DENND2A: variants seen among roughly 807,000 people sequenced by gnomAD.
The protein encoded by DENND2A is DENN domain-containing protein 2A.
A neutral mutation model predicts 105.3 loss-of-function variants in DENND2A; 53 were observed. That is an observed-to-expected ratio of 0.50 (90% confidence interval 0.40 to 0.63). DENND2A has a LOEUF of 0.63. DENND2A is among the 30% of genes least tolerant of loss of function. DENND2A has a pLI of 0.00. For synonymous variants in DENND2A, 522 were observed against 508.4 expected (o/e 1.03, Z -0.36); for missense variants, 1,138 against 1,279.6 (o/e 0.89, Z 1.69).
At position 140,601,439 on chromosome 7, in the gene DENND2A, A is replaced by T. The variant is rs772000768; in HGVS notation, c.959T>A (p.Leu320Gln). The change falls in exon 3 of 20, where the codon CTG becomes CAG. Residue 320 changes from leucine to glutamine, a missense_variant. By Grantham distance (113) the Leu-to-Gln change is moderately radical. Around this residue, in one of 2 missense-constraint regions of DENND2A, gnomAD observed 511 missense variants for 499.9 expected, o/e 1.02. Coordinates refer to ENST00000496613, the MANE Select transcript of DENND2A (RefSeq NM_015689.5). ...ACTGGATTTCTGTCTCCCGGTCCACAGTCTTCTGTTCACAGAGGAAGGTGG... is the reference window on the plus strand; with the variant it reads ...ACTGGATTTCTGTCTCCCGGTCCACTGTCTTCTGTTCACAGAGGAAGGTGG... ...SPPPSSVNRRLWTGRQKSSAD... is the reference protein window; with the variant it reads ...SPPPSSVNRRQWTGRQKSSAD... The T allele has an allele frequency of 1.4e-5, 22 of 1,611,176 alleles. No individual in the cohort carries two copies. The South Asian group carries it at 2.4e-4, about 18-fold the overall frequency.
chr7:140,619,379 G>A (rs376234728), intron 1 of DENND2A, among the ~76,000 whole-genome samples: 1 of 152,160 alleles, frequency 6.6e-6, no homozygotes, highest in East Asian at 1.9e-4. Context: ...GAGTGGGTGG[G>A]TGGGAGGAAT....
At chr7:140,584,057 C>T (rs988866444) in intron 5 of DENND2A, among the ~76,000 whole-genome samples, 2 of 147,124 alleles carry the variant, frequency 1.4e-5, no homozygotes, top group East Asian at 2.0e-4. Flanking sequence ...GCCTGGCCAA[C>T]ATGGTGAAAC....
chr7:140,620,917 C>T (rs1033622195), intron 1 of DENND2A, among the ~76,000 whole-genome samples: 1 of 152,094 alleles, frequency 6.6e-6, no homozygotes, highest in African/African-American at 2.4e-5. Context: ...TTGGTATCCT[C>T]GGGGGATTGG....
chr7:140,601,284 T>C, intron 3 of DENND2A, 119 bp downstream of exon 3: 3 of 1,363,846 alleles, frequency 2.2e-6, no homozygotes, highest in Non-Finnish European at 3.0e-6. Context: ...CCATCTGGAC[T>C]ACAAGATCCA....
intron 4 of DENND2A, among the ~76,000 whole-genome samples, chr7:140,586,366 A>AACACACACAC (rs10524571): frequency 2.1e-3 from 294 of 139,622 alleles, no homozygotes; most frequent in African/African-American, 5.7e-3. Flanking sequence ...TAAAAAAGAA[A>AACACACACAC]ACACACACAC....
chr7:140,599,327 C>A (rs1315205078), intron 3 of DENND2A, among the ~76,000 whole-genome samples: 1 of 150,328 alleles, frequency 6.7e-6, no homozygotes, highest in African/African-American at 2.5e-5. Flanking sequence ...GATACTCTGT[C>A]TCGAAAAAAA....
At chr7:140,636,626 A>T (rs536277670) in intron 1 of DENND2A, among the ~76,000 whole-genome samples, 1 of 151,966 alleles carries the variant, frequency 6.6e-6, no homozygotes, top group South Asian at 2.1e-4. Context: ...TCTCAAAAAA[A>T]TACTGATGCC....
intron 11 of DENND2A, among the ~76,000 whole-genome samples, chr7:140,556,477 T>A (rs1332261415): frequency 1.3e-5 from 2 of 152,042 alleles, no homozygotes; most frequent in African/African-American, 4.8e-5. Context: ...TAGCTGGGAT[T>A]ACAGGCGTGT....
intron 1 of DENND2A, among the ~76,000 whole-genome samples, chr7:140,628,667 G>A (rs1800624975): frequency 6.7e-6 from 1 of 149,100 alleles, no homozygotes; most frequent in Admixed American, 6.8e-5. Context: ...AGCCTCCCTA[G>A]TAGCTGGAAC....
At chr7:140,590,197 C>T (rs1798956853) in intron 3 of DENND2A, among the ~76,000 whole-genome samples, 1 of 151,986 alleles carries the variant, frequency 6.6e-6, no homozygotes, top group Admixed American at 6.6e-5. Flanking sequence ...CGTGACCAGC[C>T]TGGCCAACAT....
Position 140,582,510 on chromosome 7 carries a change from T to C in DENND2A, c.1245+3079A>G, listed in dbSNP as rs146627078. ...AGCATTTGCTAATTGTCAGTTGCCA[T>C]GGATTATTCTTGATGACACCCTTTT... On this transcript the variant is annotated intron_variant, in intron 5 of 19. Coordinates refer to ENST00000496613, the MANE Select transcript of DENND2A (RefSeq NM_015689.5). Among the ~76,000 whole-genome samples, 222 of 152,376 alleles carry C rather than the reference T, an allele frequency of 1.5e-3. 2 individuals are homozygous for C. Among genetic ancestry groups the C allele is most frequent in the African/African-American group, 5.2e-3 (217 of 41,594 alleles).
At chr7:140,552,641 T>C (rs1393572803) in intron 12 of DENND2A, among the ~76,000 whole-genome samples, 1 of 152,076 alleles carries the variant, frequency 6.6e-6, no homozygotes, top group Non-Finnish European at 1.5e-5. Flanking sequence ...CAAGCGATCC[T>C]CCCACCTTGG....
intron 4 of DENND2A, among the ~76,000 whole-genome samples, chr7:140,586,384 C>G: frequency 6.9e-6 from 1 of 144,224 alleles, no homozygotes; most frequent in African/African-American, 2.9e-5. Context: ...CACACACACA[C>G]ACACACACAC....
intron 1 of DENND2A, among the ~76,000 whole-genome samples, chr7:140,619,875 A>C (rs1007905251): frequency 2.0e-5 from 3 of 151,904 alleles, no homozygotes; most frequent in Non-Finnish European, 4.4e-5. Flanking sequence ...TGTGAATTAT[A>C]TCTCAATCAA....
intron 1 of DENND2A, among the ~76,000 whole-genome samples, chr7:140,614,371 C>T (rs1413232271): frequency 6.6e-6 from 1 of 152,190 alleles, no homozygotes; most frequent in East Asian, 1.9e-4. Context: ...TTCCAAAATG[C>T]TGGAATTACA....
intron 6 of DENND2A, among the ~76,000 whole-genome samples, chr7:140,573,581 T>C (rs1798180696): frequency 6.6e-6 from 1 of 152,044 alleles, no homozygotes; most frequent in Admixed American, 6.6e-5. Flanking sequence ...GACAAGCAGC[T>C]AAGATTGGGA....
chr7:140,592,828 C>T (rs1004820062), intron 3 of DENND2A, among the ~76,000 whole-genome samples: 3 of 151,898 alleles, frequency 2.0e-5, no homozygotes, highest in Non-Finnish European at 4.4e-5. Context: ...GTCTTGAACT[C>T]CTGGGCTCAA....
At chr7:140,545,985 C>T (rs1796885324) in intron 13 of DENND2A, among the ~76,000 whole-genome samples, 1 of 152,288 alleles carries the variant, frequency 6.6e-6, no homozygotes, top group African/African-American at 2.4e-5. Context: ...GCCTATTCTC[C>T]TCCCTCCTTT....
Position 140,602,211 on chromosome 7 carries a change from CAGGAGTGGGCA to C in DENND2A, c.176_186del (p.Val59GlyfsTer23). The C allele has an allele frequency of 6.2e-7, 1 of 1,614,112 alleles. No individual in the cohort carries two copies. Among genetic ancestry groups the C allele is most frequent in the Admixed American group, 1.7e-5 (1 of 60,032 alleles). On this transcript the variant is annotated frameshift_variant, in exon 3 of 20. Coordinates refer to ENST00000496613, the MANE Select transcript of DENND2A (RefSeq NM_015689.5). LOFTEE classifies it high-confidence loss of function. ...TGTCCGTCTGCTCTCCTGCTGGGTG[CAGGAGTGGGCA>C]CCTCTTTCTTCCCTTCCCATTCTGA...
Sources: gnomAD v4.1 joint callset for allele counts (sites outside exome capture counted in the v4.1 genomes callset) on GRCh38, gnomAD v4.1.1 for gene constraint, gnomAD v4.1.1 regional missense constraint, MANE v1.5 for transcripts, NCBI Gene and HGNC (gene_info 2026-07-23, HGNC 2026-07-21) for gene names.